ABTB2: variants seen among roughly 807,000 people sequenced by gnomAD.
ABTB2 encodes the protein ankyrin repeat and BTB/POZ domain-containing protein 2.
A neutral mutation model predicts 104.1 loss-of-function variants in ABTB2; 56 were observed. The observed-to-expected ratio is 0.54, with a 90% CI of 0.43 to 0.67. The LOEUF is 0.67. Ranked by LOEUF, ABTB2 falls within the 30% of genes least tolerant of loss-of-function variation. ABTB2 has a pLI of 0.00. For missense variants in ABTB2, 1,279 were observed against 1,407.7 expected (o/e 0.91, Z 1.46); for synonymous variants, 606 against 608.2 (o/e 1.00, Z 0.05).
intron 1 of ABTB2, among the ~76,000 whole-genome samples, chr11:34,218,183 G>C (rs11032561): frequency 2.6e-5 from 4 of 152,132 alleles, no homozygotes; most frequent in Admixed American, 2.6e-4. Flanking sequence ...TATTATTTTA[G>C]GTAGCAATCC....
At chr11:34,187,971 C>T (rs546032334) in intron 3 of ABTB2, among the ~76,000 whole-genome samples, 2 of 152,338 alleles carry the variant, frequency 1.3e-5, no homozygotes, top group East Asian at 3.9e-4. Context: ...TCTTTTTGGC[C>T]TTCACGCAGG....
chr11:34,297,806 GA>G, intron 1 of ABTB2, among the ~76,000 whole-genome samples: 1 of 136,854 alleles, frequency 7.3e-6, no homozygotes, highest in East Asian at 2.2e-4. Context: ...GAAAGAAAAA[GA>G]AAAAAACAAA....
chr11:34,315,217 T>C (rs527446567), intron 1 of ABTB2, among the ~76,000 whole-genome samples: 2 of 152,314 alleles, frequency 1.3e-5, no homozygotes, highest in South Asian at 4.1e-4. Context: ...ACCAGACCCT[T>C]GGTCGAGGAG....
Position 34,152,381 on chromosome 11 carries a change from C to G in ABTB2, c.*6G>C. ...GCCCTGGCCTCGGCAGCCTCCGCCC[C>G]CTGCCTCACACCCGGGAGGTGATGT... On this transcript the variant is annotated 3_prime_UTR_variant, in exon 17 of 17. Coordinates refer to ENST00000435224, the MANE Select transcript of ABTB2 (RefSeq NM_145804.3). 1 of 1,556,804 alleles carries G rather than the reference C, an allele frequency of 6.4e-7. No homozygotes were observed. The highest frequency in any genetic ancestry group is 8.7e-7 in the Non-Finnish European group (1 of 1,151,338).
At chr11:34,155,574 G>T (rs190143643) in intron 14 of ABTB2, among the ~76,000 whole-genome samples, 3 of 152,390 alleles carry the variant, frequency 2.0e-5, no homozygotes, top group African/African-American at 7.2e-5. Context: ...TGGCAAGTGT[G>T]TAAGTAAACA....
chr11:34,348,501 C>A (rs1855360327), intron 1 of ABTB2, among the ~76,000 whole-genome samples: 1 of 152,178 alleles, frequency 6.6e-6, no homozygotes, highest in Admixed American at 6.5e-5. Context: ...ACACTGTTCC[C>A]TCTGCCTGGA....
intron 1 of ABTB2, among the ~76,000 whole-genome samples, chr11:34,264,633 T>A (rs2133076551): frequency 6.6e-6 from 1 of 152,336 alleles, no homozygotes. Context: ...AAACGGAGAC[T>A]CAAAGCCAAT....
chr11:34,245,376 C>G (rs143315940), intron 1 of ABTB2, among the ~76,000 whole-genome samples: 7 of 152,182 alleles, frequency 4.6e-5, no homozygotes, highest in African/African-American at 1.4e-4. Flanking sequence ...GAAATCACCC[C>G]CTACAGCAAA....
chr11:34,162,180 C>G (rs1852729984), intron 10 of ABTB2, among the ~76,000 whole-genome samples: 1 of 152,222 alleles, frequency 6.6e-6, no homozygotes, highest in Non-Finnish European at 1.5e-5. Flanking sequence ...ACTCGCAGAC[C>G]CAAGGAGTGC....
chr11:34,256,609 A>G (rs2133071988), intron 1 of ABTB2, among the ~76,000 whole-genome samples: 1 of 152,290 alleles, frequency 6.6e-6, no homozygotes, highest in East Asian at 1.9e-4. Flanking sequence ...GTCGCTAATG[A>G]GACATGGTGT....
chr11:34,314,090 A>C lies in ABTB2; in HGVS notation c.883+42611T>G, dbSNP rs143356019. ...TTACAACAGCAAAGGAGAGGGGCTA[A>C]TGCTGGTCACAGAGTGATGAGGGAA... is the stretch of plus-strand genomic sequence containing the variant. On this transcript the variant is annotated intron_variant, in intron 1 of 16. Coordinates refer to ENST00000435224, the MANE Select transcript of ABTB2 (RefSeq NM_145804.3). Among the ~76,000 whole-genome samples, 150 of 152,292 alleles carry C rather than the reference A, an allele frequency of 9.8e-4. 1 individual carries two copies. Among genetic ancestry groups the C allele is most frequent in the South Asian group, 2.5e-3 (12 of 4,822 alleles).
chr11:34,198,191 G>A (rs917441271), intron 2 of ABTB2, among the ~76,000 whole-genome samples: 14 of 152,156 alleles, frequency 9.2e-5, no homozygotes, highest in East Asian at 1.9e-4. Flanking sequence ...TGGGGAGGCC[G>A]AGGCAGGTGG....
At chr11:34,327,420 C>A (rs921753705) in intron 1 of ABTB2, among the ~76,000 whole-genome samples, 1 of 152,156 alleles carries the variant, frequency 6.6e-6, no homozygotes, top group Non-Finnish European at 1.5e-5. Flanking sequence ...TAGGAATCCA[C>A]CCCCCTAGCC....
At position 34,202,372 on chromosome 11, in the gene ABTB2, C is replaced by T. The variant is rs565016341; in HGVS notation, c.1030+2172G>A. ...GAGGGTCCTTAGCCAGGAGGCCAGG[C>T]AGCTGGAGTGCAGTCCACAGAGAAG... On this transcript the variant is annotated intron_variant, in intron 2 of 16. Transcript: ENST00000435224. 3.9e-5 allele frequency among the ~76,000 whole-genome samples: 6 copies of T among 152,236 alleles called. No homozygotes were observed. In the South Asian group the frequency reaches 8.3e-4, roughly 21 times the overall value.
intron 1 of ABTB2, among the ~76,000 whole-genome samples, chr11:34,355,699 G>T (rs116585158): frequency 1.1e-4 from 16 of 152,106 alleles, no homozygotes; most frequent in Non-Finnish European, 2.1e-4. Context: ...AGATCGTAAG[G>T]CTGTTTAACC....
At chr11:34,192,843 C>G (rs868613571) in intron 3 of ABTB2, among the ~76,000 whole-genome samples, 1 of 152,208 alleles carries the variant, frequency 6.6e-6, no homozygotes, top group South Asian at 2.1e-4. Context: ...CACCTCCTGT[C>G]GACCTCAGGC....
At position 34,343,420 on chromosome 11, in the gene ABTB2, C is replaced by A. The variant is rs540344929; in HGVS notation, c.883+13281G>T. On this transcript the variant is annotated intron_variant, in intron 1 of 16. Transcript: ENST00000435224. Reference sequence around the variant, plus strand: ...GGGCCCCATGCCAGACCATTTATTTCAGAATATCTGGAGGTAGGGCCTTAA... The same window carrying A: ...GGGCCCCATGCCAGACCATTTATTTAAGAATATCTGGAGGTAGGGCCTTAA... Among the ~76,000 whole-genome samples, 21 of 152,158 alleles carry A rather than the reference C, an allele frequency of 1.4e-4. No homozygotes were observed. In the East Asian group the frequency reaches 3.7e-3, roughly 27 times the overall value.
At chr11:34,345,558 C>T (rs1212992793) in intron 1 of ABTB2, among the ~76,000 whole-genome samples, 1 of 152,048 alleles carries the variant, frequency 6.6e-6, no homozygotes, top group Non-Finnish European at 1.5e-5. Flanking sequence ...TCATTTGTCT[C>T]CTCAAAGACC....
chr11:34,234,888 C>T (rs533282967), intron 1 of ABTB2, among the ~76,000 whole-genome samples: 13 of 152,270 alleles, frequency 8.5e-5, no homozygotes, highest in South Asian at 2.1e-4. Context: ...GACAGAGTCT[C>T]GCTCCTTCGC....
Sources: allele counts gnomAD v4.1 joint callset (sites outside exome capture counted in the v4.1 genomes callset), GRCh38; gene constraint gnomAD v4.1.1; transcripts MANE v1.5; gene names NCBI Gene and HGNC (gene_info 2026-07-23, HGNC 2026-07-21).